Variants in GPR83 observed in about 807,000 individuals in gnomAD.
The protein encoded by GPR83 is G protein-coupled receptor 83, also known as G-protein coupled receptor 72.
In GPR83, 23 loss-of-function variants were observed where a neutral mutation model predicts 28.0. The observed-to-expected ratio is 0.82, with a 90% confidence interval of 0.59 to 1.16. The LOEUF is 1.16. Ranked by LOEUF, GPR83 falls within the 50% of genes most tolerant of loss-of-function variation. The pLI is 0.00. For synonymous variants in GPR83, 234 were observed against 215.4 expected, an observed-to-expected ratio of 1.09 and a Z score of -0.76; for missense variants, 610 against 536.6, an observed-to-expected ratio of 1.14 and a Z score of -1.35.
At chr11:94,384,063 G>A (rs1231433216) in intron 3 of GPR83, among the ~76,000 whole-genome samples, 1 of 152,106 alleles carries the variant, frequency 6.6e-6, no homozygotes, top group Non-Finnish European at 1.5e-5. Flanking sequence ...CATCCCTGAG[G>A]AACATGAATG....
intron 3 of GPR83, among the ~76,000 whole-genome samples, chr11:94,383,191 C>G (rs1398084617): frequency 5.3e-5 from 8 of 151,080 alleles, no homozygotes; most frequent in Non-Finnish European, 4.4e-5. Context: ...TCACTCAAAA[C>G]CACACAACTA....
chr11:94,381,578 T>TGTGTGTGTGC (rs1200107898), intron 3 of GPR83, among the ~76,000 whole-genome samples: 7 of 100,776 alleles, frequency 6.9e-5, no homozygotes, highest in African/African-American at 2.2e-4. Flanking sequence ...TGTGTGTGTG[T>TGTGTGTGTGC]GCGCGCGTGC....
At chr11:94,400,806 G>C (rs1944903849) in intron 1 of GPR83, 55 bp downstream of exon 1, 2 of 1,559,784 alleles carry the variant, frequency 1.3e-6, no homozygotes, top group Admixed American at 3.4e-5. Context: ...AGAGAACTGA[G>C]AGAGGAAAGG....
At position 94,377,480 on chromosome 11, in the gene GPR83, C is replaced by G. The variant is rs567559784; in HGVS notation, c.*2669G>C. 2 of 152,138 alleles carry G rather than the reference C, an allele frequency of 1.3e-5. No individual in the cohort carries two copies. The highest frequency in any genetic ancestry group is 4.8e-5 in the African/African-American group (2 of 41,564). The allele number at this position is 152,138 out of a possible 1,614,324, so 9.4% of individuals were successfully genotyped here. ...CGGGGAAGGGACAGATCTAATGAGC[C>G]ATCAGTGGGTTCTCCCCAGAGTAAA... On this transcript the variant is annotated 3_prime_UTR_variant, in exon 4 of 4. Coordinates refer to ENST00000243673, the MANE Select transcript of GPR83 (RefSeq NM_016540.4).
intron 1 of GPR83, among the ~76,000 whole-genome samples, chr11:94,398,632 TGTAA>T (rs1321047780): frequency 6.6e-6 from 1 of 152,200 alleles, no homozygotes. Flanking sequence ...CCATGGGAAC[TGTAA>T]GTAATTGTCT....
intron 2 of GPR83, among the ~76,000 whole-genome samples, chr11:94,396,018 G>A (rs985916678): frequency 3.9e-5 from 6 of 152,270 alleles, no homozygotes; most frequent in Middle Eastern, 3.4e-3. Context: ...TCAGGAGTTC[G>A]AGACCAGCCT....
rs368956996 is a variant in GPR83, at chr11:94,401,146, G to T, written c.102C>A (p.Ala34=). The change falls in exon 1 of 4, where the codon GCC becomes GCA. Residue 34 remains alanine (A), a synonymous_variant. Coordinates refer to ENST00000243673, the MANE Select transcript of GPR83 (RefSeq NM_016540.4). ...ADEQSAEAAL[A]VPNASHFFSW... ...AGAAGAAGTGCGAGGCATTGGGCAC[G>T]GCCAGGGCCGCCTCCGCGCTCTGCT... 25 of 1,614,214 alleles carry T rather than the reference G, an allele frequency of 1.5e-5. 1 individual carries two copies. In the South Asian group the frequency reaches 2.1e-4, roughly 13 times the overall value.
At chr11:94,389,722 G>A (rs1167623284) in intron 3 of GPR83, among the ~76,000 whole-genome samples, 1 of 152,152 alleles carries the variant, frequency 6.6e-6, no homozygotes, top group African/African-American at 2.4e-5. Context: ...ACTGTTGGTG[G>A]GACTGTAAAC....
At chr11:94,400,662 C>G (rs1591610294) in intron 1 of GPR83, among the ~76,000 whole-genome samples, 199 bp downstream of exon 1, 1 of 150,982 alleles carries the variant, frequency 6.6e-6, no homozygotes, top group Non-Finnish European at 1.5e-5. Context: ...ATACAAGAAC[C>G]GAGATGACAG....
In GPR83 at chr11:94,383,540, C is replaced by G. The variant is rs181636803; in HGVS notation, c.648-2767G>C. Among the ~76,000 whole-genome samples, 36 of 152,130 alleles carry G rather than the reference C, an allele frequency of 2.4e-4. No homozygotes were observed. In the East Asian group the frequency reaches 6.8e-3, roughly 29 times the overall value. On this transcript the variant is annotated intron_variant, in intron 3 of 3. Coordinates refer to ENST00000243673, the MANE Select transcript of GPR83 (RefSeq NM_016540.4). ...AAACCCTTCAAAAAAATCAGTGAAA[C>G]CAGGAGCTGGTTTTTTGAAAAGATC...
At chr11:94,382,961 G>A (rs766121469) in intron 3 of GPR83, among the ~76,000 whole-genome samples, 18 of 151,724 alleles carry the variant, frequency 1.2e-4, no homozygotes, top group Non-Finnish European at 2.6e-4. Context: ...TCAGGAGCTT[G>A]AGACCATCCC....
intron 3 of GPR83, among the ~76,000 whole-genome samples, chr11:94,392,410 C>T (rs189359310): frequency 6.6e-6 from 1 of 151,860 alleles, no homozygotes; most frequent in African/African-American, 2.4e-5. Context: ...CACCATGGCA[C>T]GTGTATACCA....
intron 3 of GPR83, among the ~76,000 whole-genome samples, chr11:94,392,543 G>T (rs1944826925): frequency 6.6e-6 from 1 of 151,824 alleles, no homozygotes; most frequent in African/African-American, 2.4e-5. Context: ...CACTCTATGG[G>T]GCCAGGCGTG....
At chr11:94,389,561 A>G (rs995630096) in intron 3 of GPR83, among the ~76,000 whole-genome samples, 1 of 152,244 alleles carries the variant, frequency 6.6e-6, no homozygotes, top group African/African-American at 2.4e-5. Context: ...CAACAGACAC[A>G]TGAAAAAATG....
Position 94,380,307 on chromosome 11 carries a change from C to T in GPR83, c.1114G>A (p.Asp372Asn), listed in dbSNP as rs752304710. The T allele has an allele frequency of 1.9e-6, 3 of 1,605,406 alleles. No individual in the cohort carries two copies. Among genetic ancestry groups the T allele is most frequent in the East Asian group, 4.5e-5 (2 of 44,806 alleles). Residue 372 changes from aspartate (D) to asparagine (N), a missense_variant, in exon 4 of 4, where the codon GAC (aspartate) becomes AAC (asparagine). Transcript: ENST00000243673. ...MCQRPPKPQE[D>N]RPPSPVPSFR... ...GAAGGAACTGGGGAGGGTGGCCTGT[C>T]CTCCTGAGGCTTGGGAGGTCTTTGA...
At chr11:94,396,063 T>C (rs980000396) in intron 2 of GPR83, among the ~76,000 whole-genome samples, 4 of 152,034 alleles carry the variant, frequency 2.6e-5, no homozygotes, top group African/African-American at 9.7e-5. Flanking sequence ...CTACTAAAAG[T>C]ACGAAAACTA....
chr11:94,397,961 G>C (rs753008970), intron 1 of GPR83, among the ~76,000 whole-genome samples: 8 of 152,214 alleles, frequency 5.3e-5, no homozygotes, highest in Non-Finnish European at 1.2e-4. Flanking sequence ...AGGCTTTTGA[G>C]CAGTTCAGTA....
intron 3 of GPR83, among the ~76,000 whole-genome samples, chr11:94,392,371 T>G (rs1247102413): frequency 6.6e-6 from 1 of 151,984 alleles, no homozygotes; most frequent in African/African-American, 2.4e-5. Context: ...ATACCTAATG[T>G]AGGTGACGGT....
At position 94,379,677 on chromosome 11, in the gene GPR83, T is replaced by A. The variant is rs1446172871; in HGVS notation, c.*472A>T. ...GACTCCAGAAAGTGAGGCATAAAAATCTCCACGCCCGCTCTGGCTTGCTGG... is the reference window on the plus strand; with the variant it reads ...GACTCCAGAAAGTGAGGCATAAAAAACTCCACGCCCGCTCTGGCTTGCTGG... On this transcript the variant is annotated 3_prime_UTR_variant, in exon 4 of 4. Coordinates refer to ENST00000243673, the MANE Select transcript of GPR83 (RefSeq NM_016540.4). 1 of 153,066 alleles carries A rather than the reference T, an allele frequency of 6.5e-6. No individual in the cohort carries two copies. The highest frequency in any genetic ancestry group is 1.5e-5 in the Non-Finnish European group (1 of 68,710). 9.5% of individuals were successfully genotyped at this position (153,066 alleles called of 1,614,324 possible).
Sources: allele counts gnomAD v4.1 joint callset (sites outside exome capture counted in the v4.1 genomes callset), GRCh38; gene constraint gnomAD v4.1.1; transcripts MANE v1.5; gene names NCBI Gene and HGNC (gene_info 2026-07-23, HGNC 2026-07-21).